PCSK6: variants seen among roughly 807,000 people sequenced by gnomAD.
PCSK6 encodes the protein paired basic amino acid cleaving enzyme 4.
A neutral mutation model predicts 123.3 loss-of-function variants in PCSK6; 85 were observed. The ratio of observed to expected loss-of-function variants is 0.69; its 90% CI spans 0.58 to 0.83. PCSK6 has a LOEUF of 0.83. Among genes scored for constraint, PCSK6 ranks in the 40% least tolerant of loss-of-function variants. The probability of loss-of-function intolerance (pLI) is 0.00; values close to 1 mark genes in which losing one functional copy is unlikely to be tolerated. For synonymous variants in PCSK6, 508 were observed against 516.0 expected, an observed-to-expected ratio of 0.98 and a Z score of 0.21; for missense variants, 1,191 against 1,282.3, an observed-to-expected ratio of 0.93 and a Z score of 1.09.
intron 2 of PCSK6, among the ~76,000 whole-genome samples, chr15:101,436,606 A>T (rs1291264586): frequency 2.6e-5 from 4 of 152,214 alleles, no homozygotes; most frequent in Non-Finnish European, 5.9e-5. Flanking sequence ...AGCCTCCTCC[A>T]GGAGAGAACA....
At chr15:101,465,218 A>C (rs1325028701) in intron 1 of PCSK6, among the ~76,000 whole-genome samples, 1 of 152,096 alleles carries the variant, frequency 6.6e-6, no homozygotes, top group African/African-American at 2.4e-5. Flanking sequence ...CGTTCCCCAG[A>C]CTCGCATGGC....
chr15:101,388,076 A>C (rs1477706781), intron 9 of PCSK6, among the ~76,000 whole-genome samples: 1 of 152,226 alleles, frequency 6.6e-6, no homozygotes, highest in African/African-American at 2.4e-5. Flanking sequence ...TTTGTTTTCC[A>C]TTTAGCTCTT....
At chr15:101,384,179 T>G in intron 10 of PCSK6, 143 bp downstream of exon 10, 1 of 1,452,016 alleles carries the variant, frequency 6.9e-7, no homozygotes, top group South Asian at 1.5e-5. Context: ...CTTAAATAGC[T>G]GCACATGCGT....
At chr15:101,428,771 T>C (rs2056346062) in intron 5 of PCSK6, among the ~76,000 whole-genome samples, 1 of 152,218 alleles carries the variant, frequency 6.6e-6, no homozygotes, top group Non-Finnish European at 1.5e-5. Flanking sequence ...AGCAGCCCTC[T>C]GGAAGAGAGT....
Position 101,392,593 on chromosome 15 carries a change from C to CTT in PCSK6, c.1209+617_1209+618dup, listed in dbSNP as rs10525638. ...TTTGAACTGGAAACCCTCCCTTCCT[C>CTT]TTTTTTTTTTTTTTTTTAAGTAGGA... On this transcript the variant is annotated intron_variant, in intron 8 of 21. Coordinates refer to ENST00000611716, the MANE Select transcript of PCSK6 (RefSeq NM_002570.5). Among the ~76,000 whole-genome samples the CTT allele has an allele frequency of 3.1e-3, 377 of 122,336 alleles. 6 individuals carry two copies. Among genetic ancestry groups the CTT allele is most frequent in the African/African-American group, 5.2e-3 (158 of 30,434 alleles). The allele number at this position is 122,336 out of a possible 152,430, so 80.3% of individuals were successfully genotyped here.
Position 101,332,033 on chromosome 15 carries a change from T to C in PCSK6, c.1859-2A>G. The C allele has an allele frequency of 1.3e-6, 2 of 1,587,160 alleles. No homozygotes were observed. The highest frequency in any genetic ancestry group is 1.1e-5 in the South Asian group (1 of 88,636). On this transcript the variant is annotated splice_acceptor_variant, in intron 13 of 21. Coordinates refer to ENST00000611716, the MANE Select transcript of PCSK6 (RefSeq NM_002570.5). LOFTEE classifies it high-confidence loss of function. ...TGAGGCTCCATTCTTTCAACTTCCCTGGAAGGCACCAAACCCACAGAGTTA... is the reference window on the plus strand; with the variant it reads ...TGAGGCTCCATTCTTTCAACTTCCCCGGAAGGCACCAAACCCACAGAGTTA...
chr15:101,430,345 C>T (rs2056409075), intron 4 of PCSK6, among the ~76,000 whole-genome samples: 1 of 152,124 alleles, frequency 6.6e-6, no homozygotes, highest in Admixed American at 6.5e-5. Context: ...AACCCCACAC[C>T]CACTCAACAC....
At chr15:101,428,500 T>C (rs976338037) in intron 5 of PCSK6, among the ~76,000 whole-genome samples, 1 of 152,196 alleles carries the variant, frequency 6.6e-6, no homozygotes, top group African/African-American at 2.4e-5. Flanking sequence ...TTCCTGTGCT[T>C]CTAAGGCCAT....
Position 101,384,423 on chromosome 15 carries a change from C to G in PCSK6, c.1313G>C (p.Ser438Thr). 6.2e-7 allele frequency: 1 copy of G among 1,613,096 alleles called. No individual in the cohort carries two copies. Among genetic ancestry groups the G allele is most frequent in the Non-Finnish European group, 8.5e-7 (1 of 1,179,342 alleles). The part of the protein sequence containing the change: ...GIIALALEAN[S>T]QLTWRDVQHL... ...CTGGACGTCCCTCCAGGTTAACTGG[C>G]TGCTGCAATGACACAACACACCCTA... Residue 438 changes from serine (S) to threonine (T), a missense_variant and splice_region_variant, in exon 10 of 22, where the codon AGC becomes ACC. Transcript: ENST00000611716.
chr15:101,489,168 C>T (rs1359586991), intron 1 of PCSK6, among the ~76,000 whole-genome samples: 2 of 12,024 alleles, frequency 1.7e-4, no homozygotes, highest in Non-Finnish European at 5.8e-4. Flanking sequence ...GTCCCCCCCA[C>T]CCCGCCGAGT....
At chr15:101,360,195 A>C (rs1351071885) in intron 13 of PCSK6, among the ~76,000 whole-genome samples, 1 of 152,068 alleles carries the variant, frequency 6.6e-6, no homozygotes, top group Non-Finnish European at 1.5e-5. Flanking sequence ...CCTTCACCTG[A>C]TATTGCAATG....
chr15:101,347,321 C>T (rs2141400189), intron 13 of PCSK6: 1 of 1,234,034 alleles, frequency 8.1e-7, no homozygotes, highest in South Asian at 4.2e-5. Flanking sequence ...ATCAAGATGG[C>T]TAGCAATAAA....
chr15:101,443,743 C>T (rs1377076400), intron 1 of PCSK6, 83 bp from the exon 2 acceptor site: 5 of 964,984 alleles, frequency 5.2e-6, no homozygotes, highest in Non-Finnish European at 8.4e-6. Context: ...GAATCTCCCC[C>T]TTATCTGAGG....
intron 11 of PCSK6, among the ~76,000 whole-genome samples, chr15:101,378,989 GC>G (rs2041831977): frequency 6.6e-6 from 1 of 152,166 alleles, no homozygotes; most frequent in South Asian, 2.1e-4. Flanking sequence ...TTGGGCCTGA[GC>G]ATGACTCGGG....
chr15:101,351,337 A>C (rs1022042845), intron 13 of PCSK6, among the ~76,000 whole-genome samples: 2 of 152,278 alleles, frequency 1.3e-5, no homozygotes, highest in African/African-American at 2.4e-5. Context: ...ACAGCTTACA[A>C]AACTGAAGAG....
At chr15:101,335,811 A>T (rs1180901235) in intron 13 of PCSK6, among the ~76,000 whole-genome samples, 1 of 152,206 alleles carries the variant, frequency 6.6e-6, no homozygotes, top group Non-Finnish European at 1.5e-5. Flanking sequence ...TTTTGTGAAT[A>T]CCATAGAGTG....
intron 9 of PCSK6, among the ~76,000 whole-genome samples, chr15:101,387,819 G>A: frequency 2.7e-5 from 1 of 37,032 alleles, no homozygotes; most frequent in South Asian, 8.4e-4. Flanking sequence ...ACCTGCACAG[G>A]CGAGAGCTAT....
chr15:101,399,593 G>C (rs1596291801), intron 6 of PCSK6, among the ~76,000 whole-genome samples: 1 of 152,282 alleles, frequency 6.6e-6, no homozygotes, highest in East Asian at 1.9e-4. Context: ...TTATTACTGG[G>C]TGCCCTCTGC....
At chr15:101,345,950 G>A (rs927607425) in intron 13 of PCSK6, among the ~76,000 whole-genome samples, 11 of 152,224 alleles carry the variant, frequency 7.2e-5, no homozygotes, top group African/African-American at 2.7e-4. Flanking sequence ...TTACAAGCGT[G>A]AGCCACCACG....
Sources: gnomAD v4.1 joint callset for allele counts (sites outside exome capture counted in the v4.1 genomes callset) on GRCh38, gnomAD v4.1.1 for gene constraint, MANE v1.5 for transcripts, NCBI Gene and HGNC (gene_info 2026-07-23, HGNC 2026-07-21) for gene names.